SGSM3: variants seen among roughly 807,000 people sequenced by gnomAD.
The protein encoded by SGSM3 is RUN and SH3 containing 3.
Under a neutral mutation model 100.5 loss-of-function variants are expected in SGSM3, and 96 were observed. The ratio of observed to expected loss-of-function variants is 0.96; its 90% CI spans 0.81 to 1.13. The LOEUF is 1.13. SGSM3 is among the 50% of genes most tolerant of loss of function. The pLI is 0.00. For missense variants in SGSM3, 1,001 were observed against 1,015.8 expected (o/e 0.99, Z 0.20); for synonymous variants, 483 against 422.8 (o/e 1.14, Z -1.75).
chr22:40,404,460 G>T lies in SGSM3; in HGVS notation c.366+5G>T. ...CCACATGGCATGAGGCCACAGGTAA[G>T]GTGGCCACAGGGACCCACAGGGTGT... is the stretch of plus-strand genomic sequence containing the variant. On this transcript the variant is annotated splice_donor_5th_base_variant and intron_variant, in intron 5 of 21. Transcript: ENST00000248929. 6.2e-7 allele frequency: 1 copy of T among 1,606,124 alleles called. No individual in the cohort carries two copies. The highest frequency in any genetic ancestry group is 8.5e-7 in the Non-Finnish European group (1 of 1,175,376).
intron 1 of SGSM3, among the ~76,000 whole-genome samples, chr22:40,391,463 T>G (rs1219455191): frequency 6.6e-6 from 1 of 151,968 alleles, no homozygotes; most frequent in African/African-American, 2.4e-5. Context: ...AAAAGAAAAT[T>G]AGCCTGGTGT....
At position 40,410,171 on chromosome 22, in the gene SGSM3, C is replaced by A. The variant is rs903982010; in HGVS notation, c.*412C>A. 3 of 1,088,070 alleles carry A rather than the reference C, an allele frequency of 2.8e-6. No individual in the cohort carries two copies. The Admixed American group carries it at 1.6e-4, about 57-fold the overall frequency. 67.4% of individuals were successfully genotyped at this position (1,088,070 alleles called of 1,614,324 possible). A position where few individuals can be genotyped will look rare whatever the true frequency, so the allele number is the denominator to read the frequency against. ...CTGTATTCAGGTCCAAGGTTCTGCC[C>A]TTCCTTGAGTGGTCTAGAAGGCACT... is the stretch of plus-strand genomic sequence containing the variant. On this transcript the variant is annotated 3_prime_UTR_variant, in exon 22 of 22. Coordinates refer to ENST00000248929, the MANE Select transcript of SGSM3 (RefSeq NM_015705.6).
intron 1 of SGSM3, among the ~76,000 whole-genome samples, chr22:40,392,090 A>G (rs1446039418): frequency 1.3e-5 from 2 of 152,180 alleles, no homozygotes; most frequent in African/African-American, 2.4e-5. Context: ...TATTTTATTA[A>G]TACTTCATTA....
intron 1 of SGSM3, among the ~76,000 whole-genome samples, chr22:40,396,923 G>C (rs2050124184): frequency 6.6e-6 from 1 of 152,218 alleles, no homozygotes; most frequent in Non-Finnish European, 1.5e-5. Context: ...TAGCAAACTA[G>C]GGAGTATGTA....
At chr22:40,392,801 A>T (rs1295546336) in intron 1 of SGSM3, among the ~76,000 whole-genome samples, 1 of 152,224 alleles carries the variant, frequency 6.6e-6, no homozygotes, top group Non-Finnish European at 1.5e-5. Flanking sequence ...ACATTAGCCC[A>T]AAAGAAAACT....
In SGSM3 at chr22:40,409,235, T is replaced by C. The variant is rs770843102; in HGVS notation, c.1989-15T>C. ...TGGAGCTGCCCCTGCTCCCCACTCCTGGCCATGTCCCCAGTGAGCAGGTGC... is the reference window on the plus strand; with the variant it reads ...TGGAGCTGCCCCTGCTCCCCACTCCCGGCCATGTCCCCAGTGAGCAGGTGC... On this transcript the variant is annotated splice_polypyrimidine_tract_variant and intron_variant, in intron 19 of 21. Transcript: ENST00000248929. 9.2e-5 allele frequency: 147 copies of C among 1,592,990 alleles called. No individual in the cohort carries two copies. The highest frequency in any genetic ancestry group is 1.1e-4 in the Non-Finnish European group (134 of 1,172,410).
intron 21 of SGSM3, 38 bp downstream of exon 21, chr22:40,409,563 A>G (rs1388945620): frequency 1.2e-6 from 2 of 1,612,214 alleles, no homozygotes; most frequent in Non-Finnish European, 1.7e-6. Flanking sequence ...GCACTGATGG[A>G]GCTGCCCAAA....
chr22:40,404,193 G>A, intron 4 of SGSM3, 54 bp from the exon 5 acceptor site: 1 of 1,431,362 alleles, frequency 7.0e-7, no homozygotes, highest in Non-Finnish European at 9.3e-7. Context: ...TGGCTGCTTG[G>A]AGAACACGTA....
rs2052373435 is a variant in SGSM3, at chr22:40,409,931, T to C, written c.*172T>C. ...CATCCCAGGTGGTGGGAGCAGAGGG[T>C]ACCCTGCCCCACCAGGGTCCTTAGG... On this transcript the variant is annotated 3_prime_UTR_variant, in exon 22 of 22. Coordinates refer to ENST00000248929, the MANE Select transcript of SGSM3 (RefSeq NM_015705.6). 1.4e-6 allele frequency: 2 copies of C among 1,403,042 alleles called. No homozygotes were observed. The highest frequency in any genetic ancestry group is 2.6e-4 in the Middle Eastern group (1 of 3,810). 86.9% of individuals were successfully genotyped at this position (1,403,042 alleles called of 1,614,324 possible).
At chr22:40,399,307 ATGG>A (rs2050433378) in intron 1 of SGSM3, among the ~76,000 whole-genome samples, 1 of 152,152 alleles carries the variant, frequency 6.6e-6, no homozygotes, top group African/African-American at 2.4e-5. Flanking sequence ...ACTTTTAATC[ATGG>A]TGCAGAGGAT....
At chr22:40,399,576 T>G (rs2050469374) in intron 1 of SGSM3, among the ~76,000 whole-genome samples, 1 of 152,228 alleles carries the variant, frequency 6.6e-6, no homozygotes, top group South Asian at 2.1e-4. Flanking sequence ...AATGAATGTG[T>G]TGTAAGGATT....
Position 40,407,826 on chromosome 22 carries a change from A to C in SGSM3, c.1562A>C (p.Glu521Ala), listed in dbSNP as rs1292368009. The C allele has an allele frequency of 6.2e-7, 1 of 1,612,218 alleles. No individual in the cohort carries two copies. Among genetic ancestry groups the C allele is most frequent in the Non-Finnish European group, 8.5e-7 (1 of 1,179,288 alleles). ...AAGGACGAGCACTGCTGGGTGGGGG[A>C]GCTCAACGGCCTGCGAGGTGGGGTC... ...SQKDEHCWVGELNGLRGWFPA... is the reference protein window; with the variant it reads ...SQKDEHCWVGALNGLRGWFPA... Residue 521 changes from glutamate to alanine, a missense_variant, in exon 14 of 22, where the codon GAG becomes GCG. Coordinates refer to ENST00000248929, the MANE Select transcript of SGSM3 (RefSeq NM_015705.6). The surrounding 1 kb of genome is among the most constrained non-coding windows in gnomAD (Gnocchi z 4.7).
chr22:40,387,872 A>G (rs2048724330), intron 1 of SGSM3, among the ~76,000 whole-genome samples: 1 of 152,224 alleles, frequency 6.6e-6, no homozygotes, highest in African/African-American at 2.4e-5. Flanking sequence ...AGTGTGAGCA[A>G]GTCCGCGTAG....
rs1292997614 is a variant in SGSM3, at chr22:40,410,101, TTG to T, written c.*343_*344del. 4 of 1,073,626 alleles carry T rather than the reference TTG, an allele frequency of 3.7e-6. No individual in the cohort carries two copies. Among genetic ancestry groups the T allele is most frequent in the African/African-American group, 1.7e-5 (1 of 58,182 alleles). The allele number at this position is 1,073,626 out of a possible 1,614,324, so 66.5% of individuals were successfully genotyped here. A position where few individuals can be genotyped will look rare whatever the true frequency, so the allele number is the denominator to read the frequency against. ...GTTTATAAATAAACTGTGTCTGTCT[TTG>T]AGAAAGCACCTACCTGTCTTCTGTG... is the stretch of plus-strand genomic sequence containing the variant. On this transcript the variant is annotated 3_prime_UTR_variant, in exon 22 of 22. Transcript: ENST00000248929.
intron 1 of SGSM3, among the ~76,000 whole-genome samples, chr22:40,380,980 T>C (rs1210688010): frequency 1.3e-5 from 2 of 152,110 alleles, no homozygotes; most frequent in Non-Finnish European, 2.9e-5. Context: ...CAGCTTCTAT[T>C]TTTGTAAATT....
At chr22:40,394,213 C>T (rs2049747866) in intron 1 of SGSM3, among the ~76,000 whole-genome samples, 1 of 152,216 alleles carries the variant, frequency 6.6e-6, no homozygotes, top group Admixed American at 6.5e-5. Context: ...GCAAACTTGA[C>T]ATCTCCACTT....
chr22:40,402,195 G>A lies in SGSM3; in HGVS notation c.147G>A (p.Val49=). 1.2e-6 allele frequency: 2 copies of A among 1,612,760 alleles called. No individual in the cohort carries two copies. Among genetic ancestry groups the A allele is most frequent in the South Asian group, 1.1e-5 (1 of 91,054 alleles). ...ACTACGATGAGTTTGGTTTCCGTGT[G>A]TACAAGGAAGGTAAACTTGAGCCCC... ...EFYYDEFGFR[V]YKEEGDEPGS... The change falls in exon 4 of 22, where the codon GTG becomes GTA. Residue 49 remains valine (V), a synonymous_variant. Coordinates refer to ENST00000248929, the MANE Select transcript of SGSM3 (RefSeq NM_015705.6).
rs747068581 is a variant in SGSM3 at position 40,405,733 on chromosome 22, T to C, written c.703T>C (p.Ser235Pro). 3.7e-6 allele frequency: 6 copies of C among 1,613,734 alleles called. No homozygotes were observed. The highest frequency in any genetic ancestry group is 4.2e-6 in the Non-Finnish European group (5 of 1,179,992). ...SAIIEDLLPA[S>P]YFSTTLLGVQ... ...CATCATCGAGGACCTGCTCCCCGCCTCCTACTTCAGCACCACCCTGCTGGG... is the reference window on the plus strand; with the variant it reads ...CATCATCGAGGACCTGCTCCCCGCCCCCTACTTCAGCACCACCCTGCTGGG... The change falls in exon 8 of 22, where the codon TCC (serine) becomes CCC (proline). Residue 235 changes from serine (S) to proline (P), a missense_variant. Transcript: ENST00000248929.
intron 4 of SGSM3, among the ~76,000 whole-genome samples, chr22:40,402,733 C>CG (rs984481940): frequency 1.1e-4 from 16 of 152,142 alleles, no homozygotes; most frequent in African/African-American, 3.9e-4. Context: ...GAGCAAACCT[C>CG]TGTCTCAAAA....
Sources: allele counts gnomAD v4.1 joint callset (sites outside exome capture counted in the v4.1 genomes callset), GRCh38; gene constraint gnomAD v4.1.1; non-coding constraint Gnocchi (gnomAD v3.1); transcripts MANE v1.5; gene names NCBI Gene and HGNC (gene_info 2026-07-23, HGNC 2026-07-21).